Variants in COG1 observed in about 807,000 individuals in gnomAD.
The protein encoded by COG1 is conserved oligomeric Golgi complex subunit 1.
COG1 carries 61 observed loss-of-function variants against 102.2 expected under a neutral mutation model. That is an observed-to-expected ratio of 0.60 (90% CI 0.49 to 0.74). The LOEUF is 0.74. Among genes scored for constraint, COG1 ranks in the 30% least tolerant of loss-of-function variants. COG1 has a pLI of 0.00. For synonymous variants in COG1, 454 were observed against 493.6 expected, an observed-to-expected ratio of 0.92 and a Z score of 1.06; for missense variants, 1,164 against 1,232.1, an observed-to-expected ratio of 0.94 and a Z score of 0.83.
In COG1 at chr17:73,206,689, T is replaced by C. The variant is rs1374677503; in HGVS notation, c.2620-19T>C. ...TTTACCTGCACAATGAAACCTCTGC[T>C]CCACCTCTTGTCTGCCAGGTTCTGT... On this transcript the variant is annotated intron_variant, in intron 11 of 13. Coordinates refer to ENST00000299886, the MANE Select transcript of COG1 (RefSeq NM_018714.3). 6.9e-7 allele frequency: 1 copy of C among 1,449,284 alleles called. No homozygotes were observed. Among genetic ancestry groups the C allele is most frequent in the Non-Finnish European group, 9.7e-7 (1 of 1,034,212 alleles). The allele number at this position is 1,449,284 out of a possible 1,614,324, so 89.8% of individuals were successfully genotyped here. A position where few individuals can be genotyped will look rare whatever the true frequency, so the allele number is the denominator to read the frequency against.
At chr17:73,194,441 C>CAAAAA (rs572388712) in intron 1 of COG1, among the ~76,000 whole-genome samples, 1 of 54,970 alleles carries the variant, frequency 1.8e-5, no homozygotes, top group Non-Finnish European at 3.3e-5. Flanking sequence ...GACTCTGTCT[C>CAAAAA]AAAAAAAAAA....
Position 73,199,857 on chromosome 17 carries a change from C to T in COG1, c.914-8C>T. On this transcript the variant is annotated splice_polypyrimidine_tract_variant and splice_region_variant and intron_variant, in intron 4 of 13. Coordinates refer to ENST00000299886, the MANE Select transcript of COG1 (RefSeq NM_018714.3). ...CCTAGATGGCTTCTCACTTGGCCTT[C>T]TCTTTAGGAAAGGGCACTGGTGTCC... 1 of 1,614,132 alleles carries T rather than the reference C, an allele frequency of 6.2e-7. No homozygotes were observed. Among genetic ancestry groups the T allele is most frequent in the Non-Finnish European group, 8.5e-7 (1 of 1,180,042 alleles).
chr17:73,196,175 T>C (rs1482863170), intron 1 of COG1, among the ~76,000 whole-genome samples: 1 of 152,186 alleles, frequency 6.6e-6, no homozygotes, highest in Non-Finnish European at 1.5e-5. Flanking sequence ...ACTGATCCAT[T>C]TGCTGTGGTT....
intron 1 of COG1, among the ~76,000 whole-genome samples, chr17:73,195,032 C>T (rs2061320159): frequency 6.6e-6 from 1 of 152,224 alleles, no homozygotes. Context: ...CCTCATCCCT[C>T]CCAAAGCTAA....
Position 73,206,716 on chromosome 17 carries a change from T to G in COG1, c.2628T>G (p.Phe876Leu). Residue 876 changes from phenylalanine to leucine, a missense_variant, in exon 12 of 14, where the codon TTT (phenylalanine) becomes TTG (leucine). Transcript: ENST00000299886. ...HRLVQRTSVLFGLVTGTENQL... is the reference protein window; with the variant it reads ...HRLVQRTSVLLGLVTGTENQL... ...CACCTCTTGTCTGCCAGGTTCTGTTTGGATTGGTGACTGGTACAGAGAATC... is the reference window on the plus strand; with the variant it reads ...CACCTCTTGTCTGCCAGGTTCTGTTGGGATTGGTGACTGGTACAGAGAATC... The G allele has an allele frequency of 3.1e-6, 5 of 1,612,624 alleles. No individual in the cohort carries two copies. The highest frequency in any genetic ancestry group is 4.2e-6 in the Non-Finnish European group (5 of 1,179,332).
At chr17:73,194,949 G>T (rs1436960602) in intron 1 of COG1, among the ~76,000 whole-genome samples, 2 of 152,160 alleles carry the variant, frequency 1.3e-5, no homozygotes, top group Admixed American at 1.3e-4. Context: ...AGAAATCCTG[G>T]TCAGTAGACT....
Position 73,196,537 on chromosome 17 carries a change from A to G in COG1, c.346A>G (p.Ser116Gly), listed in dbSNP as rs1291406052. The G allele has an allele frequency of 6.2e-7, 1 of 1,614,210 alleles. No individual in the cohort carries two copies. Among genetic ancestry groups the G allele is most frequent in the East Asian group, 2.2e-5 (1 of 44,888 alleles). Residue 116 changes from serine (S) to glycine (G), a missense_variant, in exon 2 of 14, where the codon AGC (serine) becomes GGC (glycine). Ser to Gly is a moderately conservative substitution (Grantham distance 56). Coordinates refer to ENST00000299886, the MANE Select transcript of COG1 (RefSeq NM_018714.3). Reference sequence around the variant, plus strand: ...GCAGCCATCCCAGGAGAAGTTCTACAGCATGGCTGCCCAGATCAAGCTACT... The same window carrying G: ...GCAGCCATCCCAGGAGAAGTTCTACGGCATGGCTGCCCAGATCAAGCTACT... ...PQQPSQEKFY[S>G]MAAQIKLLLE...
rs1399986976 is a variant in COG1 at position 73,207,809 on chromosome 17, G to C, written c.2806-505G>C. 5 of 1,284,184 alleles carry C rather than the reference G, an allele frequency of 3.9e-6. No individual in the cohort carries two copies. In the African/African-American group the frequency reaches 7.6e-5, roughly 20 times the overall value. The allele number at this position is 1,284,184 out of a possible 1,614,324, so 79.5% of individuals were successfully genotyped here. On this transcript the variant is annotated intron_variant, in intron 13 of 13. Coordinates refer to ENST00000299886, the MANE Select transcript of COG1 (RefSeq NM_018714.3). The stretch of plus-strand genomic sequence containing the variant: ...ACAGCTTGTCTTCTTACAGCATCGA[G>C]TTGTTTGCTTTATTGTTAGACACAA...
chr17:73,201,099 T>C lies in COG1; in HGVS notation c.1282-10T>C. ...ACTGTGATTAGAACTCTTCTCTCAT[T>C]CTCTTTTAGACTCTGACAAAAGAAG... On this transcript the variant is annotated splice_polypyrimidine_tract_variant and intron_variant, in intron 6 of 13. Coordinates refer to ENST00000299886, the MANE Select transcript of COG1 (RefSeq NM_018714.3). The C allele has an allele frequency of 6.2e-7, 1 of 1,612,222 alleles. No homozygotes were observed. Among genetic ancestry groups the C allele is most frequent in the Non-Finnish European group, 8.5e-7 (1 of 1,178,480 alleles).
At chr17:73,199,044 G>T (rs2061336056) in intron 4 of COG1, among the ~76,000 whole-genome samples, 1 of 152,176 alleles carries the variant, frequency 6.6e-6, no homozygotes, top group South Asian at 2.1e-4. Flanking sequence ...TGGCTGACTT[G>T]TCATGGCTTT....
Position 73,196,933 on chromosome 17 carries a change from C to G in COG1, c.594C>G (p.Leu198=). ...STILHESKML[L]KCQGVSDQAV... ...TTCTGCATGAAAGCAAGATGTTGCTCAAATGCCAAGGTGTGTCTGACCAAG... is the reference window on the plus strand; with the variant it reads ...TTCTGCATGAAAGCAAGATGTTGCTGAAATGCCAAGGTGTGTCTGACCAAG... The change falls in exon 3 of 14, where the codon CTC becomes CTG. Residue 198 remains leucine, a synonymous_variant. Coordinates refer to ENST00000299886, the MANE Select transcript of COG1 (RefSeq NM_018714.3). 6.2e-7 allele frequency: 1 copy of G among 1,614,212 alleles called. No individual in the cohort carries two copies. The highest frequency in any genetic ancestry group is 8.5e-7 in the Non-Finnish European group (1 of 1,180,048).
rs1439505487 is a variant in COG1, at chr17:73,205,656, G to A, written c.2486G>A (p.Ser829Asn). The A allele has an allele frequency of 1.2e-6, 2 of 1,613,928 alleles. No individual in the cohort carries two copies. Among genetic ancestry groups the A allele is most frequent in the Admixed American group, 3.3e-5 (2 of 60,032 alleles). The part of the protein sequence containing the change: ...VLTAKGDEVK[S>N]GRSKPDSRIE... The stretch of plus-strand genomic sequence containing the variant: ...ACAGCCAAGGGTGACGAGGTGAAGA[G>A]TGGCCGGAGCAAGCCAGACTCCAGG... The change falls in exon 10 of 14, where the codon AGT becomes AAT. Residue 829 changes from serine to asparagine, a missense_variant. Physicochemically the swap from Ser to Asn is conservative, Grantham distance 46. Coordinates refer to ENST00000299886, the MANE Select transcript of COG1 (RefSeq NM_018714.3).
In COG1 at chr17:73,206,005, CTT is replaced by C. The variant is rs2061369820; in HGVS notation, c.2511-148_2511-147del. 4 of 744,126 alleles carry C rather than the reference CTT, an allele frequency of 5.4e-6. No homozygotes were observed. The East Asian group carries it at 1.1e-4, about 20-fold the overall frequency. The allele number at this position is 744,126 out of a possible 1,614,324, so 46.1% of individuals were successfully genotyped here. On this transcript the variant is annotated intron_variant, in intron 10 of 13. Coordinates refer to ENST00000299886, the MANE Select transcript of COG1 (RefSeq NM_018714.3). The stretch of plus-strand genomic sequence containing the variant: ...ACTTAGACATCATGCTTGAGGGTGA[CTT>C]AAGCACTATCATCAGTGACAAACGT...
In COG1 at chr17:73,201,405, G is replaced by C. The variant is rs1411039170; in HGVS notation, c.1578G>C (p.Lys526Asn). 2.3e-5 allele frequency: 37 copies of C among 1,614,120 alleles called. No homozygotes were observed. Among genetic ancestry groups the C allele is most frequent in the Middle Eastern group, 3.3e-4 (2 of 6,084 alleles). ...GTTCTGCCCTGGATTCTAAGCTGAA[G>C]GTTAAACTAGATGACCTCCTGGCTT... Reference protein sequence around the residue: ...NFCSALDSKLKVKLDDLLAYL... With the variant: ...NFCSALDSKLNVKLDDLLAYL... The change falls in exon 7 of 14, where the codon AAG becomes AAC. Residue 526 changes from lysine to asparagine, a missense_variant. Physicochemically the swap from Lys to Asn is moderately conservative, Grantham distance 94 (BLOSUM62 0). Coordinates refer to ENST00000299886, the MANE Select transcript of COG1 (RefSeq NM_018714.3).
intron 9 of COG1, chr17:73,205,230 A>G: frequency 3.0e-6 from 1 of 338,132 alleles, no homozygotes; most frequent in South Asian, 2.9e-5. Flanking sequence ...GAAAGAATTC[A>G]GTAAGTCTTC....
chr17:73,200,828 ATTTT>A, intron 6 of COG1, 52 bp downstream of exon 6: 1 of 1,491,312 alleles, frequency 6.7e-7, no homozygotes, highest in Non-Finnish European at 9.4e-7. Flanking sequence ...TCCTAGTGGT[ATTTT>A]GACTGTCTTG....
At chr17:73,202,037 G>A (rs2061349138) in intron 7 of COG1, 137 bp downstream of exon 7, 2 of 1,042,874 alleles carry the variant, frequency 1.9e-6, no homozygotes, top group South Asian at 2.7e-5. Flanking sequence ...CTGCCAGAAA[G>A]TTCAGTAAAA....
chr17:73,199,817 C>T, intron 4 of COG1, 48 bp from the exon 5 acceptor site: 5 of 1,611,068 alleles, frequency 3.1e-6, no homozygotes, highest in Non-Finnish European at 4.2e-6. Context: ...TTTCAATATG[C>T]ACTTCAAAGG....
At position 73,196,518 on chromosome 17, in the gene COG1, A is replaced by G. The variant is rs1006731213; in HGVS notation, c.327A>G (p.Pro109=). ...RPPRAQQPQQ[P]SQEKFYSMAA... is the part of the protein sequence containing the mutation. ...GCCTTCCCCTGCAGCCACAGCAGCC[A>G]TCCCAGGAGAAGTTCTACAGCATGG... The change falls in exon 2 of 14, where the codon CCA becomes CCG. Residue 109 remains proline, a synonymous_variant. Coordinates refer to ENST00000299886, the MANE Select transcript of COG1 (RefSeq NM_018714.3). 2.5e-6 allele frequency: 4 copies of G among 1,614,082 alleles called. No individual in the cohort carries two copies. Among genetic ancestry groups the G allele is most frequent in the African/African-American group, 1.3e-5 (1 of 74,922 alleles).
Sources: allele counts gnomAD v4.1 joint callset (sites outside exome capture counted in the v4.1 genomes callset), GRCh38; gene constraint gnomAD v4.1.1; transcripts MANE v1.5; gene names NCBI Gene and HGNC (gene_info 2026-07-23, HGNC 2026-07-21).